The following GLIS3 variants were observed in gnomAD, a reference collection of about 807,000 sequenced individuals.
The protein encoded by GLIS3 is zinc finger protein GLIS3.
Under a neutral mutation model 78.6 loss-of-function variants are expected in GLIS3, and 53 were observed. That is an observed-to-expected ratio of 0.67 (90% CI 0.54 to 0.85). GLIS3 has a LOEUF of 0.85. Ranked by LOEUF, GLIS3 falls within the 40% of genes least tolerant of loss-of-function variation. GLIS3 has a pLI of 0.00. For synonymous variants in GLIS3, 684 were observed against 509.9 expected (o/e 1.34, Z -4.60); for missense variants, 1,703 against 1,231.1 (o/e 1.38, Z -5.74).
intron 4 of GLIS3, among the ~76,000 whole-genome samples, chr9:4,093,358 G>T (rs577335094): frequency 6.6e-6 from 1 of 152,288 alleles, no homozygotes; most frequent in African/African-American, 2.4e-5. Flanking sequence ...CACTGAGTAA[G>T]GCCCCCTCTT....
chr9:4,197,063 T>TC (rs1563738739), intron 2 of GLIS3, among the ~76,000 whole-genome samples: 1 of 151,926 alleles, frequency 6.6e-6, no homozygotes, highest in African/African-American at 2.4e-5. Flanking sequence ...CAGGCAGATC[T>TC]CCAAGTATTC....
intron 7 of GLIS3, among the ~76,000 whole-genome samples, chr9:3,884,379 A>G (rs1477076042): frequency 6.6e-6 from 1 of 152,204 alleles, no homozygotes; most frequent in East Asian, 1.9e-4. Context: ...GGAAAGGATG[A>G]AGACCTCCCT....
At chr9:4,217,823 T>G (rs1406847518) in intron 2 of GLIS3, among the ~76,000 whole-genome samples, 1 of 152,194 alleles carries the variant, frequency 6.6e-6, no homozygotes. Context: ...AACAAAGGGA[T>G]TTCCGTGGAA....
chr9:4,265,804 A>T (rs1825945112), intron 2 of GLIS3, among the ~76,000 whole-genome samples: 1 of 152,172 alleles, frequency 6.6e-6, no homozygotes, highest in African/African-American at 2.4e-5. Context: ...CCCTCTAAAG[A>T]TGATAAATTT....
Position 4,121,658 on chromosome 9 carries a change from CACA to C in GLIS3, c.597-2780_597-2778del, listed in dbSNP as rs755654103. Among the ~76,000 whole-genome samples, 1,093 of 151,640 alleles carry C rather than the reference CACA, an allele frequency of 7.2e-3. 8 individuals carry two copies. Among genetic ancestry groups the C allele is most frequent in the Middle Eastern group, 0.01 (3 of 292 alleles). On this transcript the variant is annotated intron_variant, in intron 3 of 10. Coordinates refer to ENST00000381971, the MANE Select transcript of GLIS3 (RefSeq NM_001042413.2). ...ACACACACACACACACACACACACA[CACA>C]CCCCAAAGTTCTTAGAGAAATACAA...
chr9:4,207,946 A>G lies in GLIS3; in HGVS notation c.388+78092T>C, dbSNP rs75086590. Among the ~76,000 whole-genome samples the G allele has an allele frequency of 6.1e-3, 930 of 152,318 alleles. 16 individuals are homozygous for G. Among genetic ancestry groups the G allele is most frequent in the African/African-American group, 0.018 (762 of 41,572 alleles). ...CCACTTCAGCTGCCCCAAAAATGCT[A>G]TATGTCCCTGGAACCACGTTGGGGG... On this transcript the variant is annotated intron_variant, in intron 2 of 10. Transcript: ENST00000381971.
At chr9:4,328,910 T>C (rs1045177530) in intron 2 of GLIS3, among the ~76,000 whole-genome samples, 1 of 152,342 alleles carries the variant, frequency 6.6e-6, no homozygotes. Flanking sequence ...AGGCCTAAGA[T>C]GGCAGGCTGA....
chr9:4,240,727 A>G (rs577852492), intron 2 of GLIS3, among the ~76,000 whole-genome samples: 45 of 152,336 alleles, frequency 3.0e-4, no homozygotes, highest in Non-Finnish European at 5.4e-4. Flanking sequence ...AAATCACAGT[A>G]AAACCAATAT....
the GLIS3 span, among the ~76,000 whole-genome samples, chr9:4,456,790 G>A: frequency 5.9e-5 from 9 of 152,166 alleles, no homozygotes; most frequent in African/African-American, 2.2e-4. Flanking sequence ...AAAAATGGAG[G>A]AACAGCTGAC....
chr9:4,206,749 T>C (rs774185902), intron 2 of GLIS3, among the ~76,000 whole-genome samples: 1 of 152,240 alleles, frequency 6.6e-6, no homozygotes, highest in Non-Finnish European at 1.5e-5. Context: ...ATGAAAATCT[T>C]TGATAGATCG....
chr9:4,243,549 A>G (rs1392407876), intron 2 of GLIS3, among the ~76,000 whole-genome samples: 1 of 152,232 alleles, frequency 6.6e-6, no homozygotes, highest in Non-Finnish European at 1.5e-5. Context: ...AATAAAGAAT[A>G]TATGAAAAGA....
chr9:3,929,241 G>A (rs1408664897), intron 6 of GLIS3, among the ~76,000 whole-genome samples: 1 of 152,136 alleles, frequency 6.6e-6, no homozygotes, highest in South Asian at 2.1e-4. Context: ...TCTGTACATC[G>A]GCTGATGGGA....
At chr9:4,452,371 G>A in the GLIS3 span, among the ~76,000 whole-genome samples, 3 of 152,076 alleles carry the variant, frequency 2.0e-5, no homozygotes, top group African/African-American at 4.8e-5. Flanking sequence ...TAGGAAGACA[G>A]GAAGTCAAAA....
At chr9:4,434,134 A>G in the GLIS3 span, among the ~76,000 whole-genome samples, 8 of 151,914 alleles carry the variant, frequency 5.3e-5, no homozygotes, top group African/African-American at 2.4e-5. Flanking sequence ...CTAAATTGCA[A>G]TTGTGTAGAA....
At chr9:4,108,876 G>A (rs576958154) in intron 4 of GLIS3, among the ~76,000 whole-genome samples, 14 of 152,026 alleles carry the variant, frequency 9.2e-5, no homozygotes, top group South Asian at 8.3e-4. Context: ...TGTGCTCTCC[G>A]GTCAACAGAC....
In GLIS3 at chr9:3,992,081, G is replaced by A. The variant is rs577159127; in HGVS notation, c.1711-54892C>T. Among the ~76,000 whole-genome samples, 199 of 152,196 alleles carry A rather than the reference G, an allele frequency of 1.3e-3. 1 individual carries two copies. Among genetic ancestry groups the A allele is most frequent in the African/African-American group, 4.7e-3 (197 of 41,536 alleles). On this transcript the variant is annotated intron_variant, in intron 4 of 10. Coordinates refer to ENST00000381971, the MANE Select transcript of GLIS3 (RefSeq NM_001042413.2). ...AGATTTTATAATATAGAGTAAGTAA[G>A]AAAATAAGATTCCCCATTTAAAACT...
intron 2 of GLIS3, among the ~76,000 whole-genome samples, chr9:4,166,168 T>C (rs779075523): frequency 2.0e-5 from 3 of 152,208 alleles, no homozygotes; most frequent in Non-Finnish European, 4.4e-5. Flanking sequence ...GGGAAAGTAC[T>C]TGACACAGTG....
chr9:4,179,995 G>A (rs536579789), intron 2 of GLIS3, among the ~76,000 whole-genome samples: 22 of 152,122 alleles, frequency 1.4e-4, no homozygotes, highest in Admixed American at 1.1e-3. Context: ...ATTTCTCCAT[G>A]AGCCTGCATC....
At chr9:3,965,492 C>G (rs746300214) in intron 4 of GLIS3, among the ~76,000 whole-genome samples, 1 of 152,182 alleles carries the variant, frequency 6.6e-6, no homozygotes, top group Non-Finnish European at 1.5e-5. Context: ...CCACGCCCAA[C>G]GCCTCTTTCC....
Sources: allele counts gnomAD v4.1 joint callset (sites outside exome capture counted in the v4.1 genomes callset), GRCh38; gene constraint gnomAD v4.1.1; transcripts MANE v1.5; gene names NCBI Gene and HGNC (gene_info 2026-07-23, HGNC 2026-07-21).